The following ACSBG1 variants were observed in gnomAD, a reference collection of about 807,000 sequenced individuals.
ACSBG1 encodes acyl-CoA synthetase bubblegum family member 1, also known as long-chain-fatty-acid--CoA ligase ACSBG1.
ACSBG1 carries 39 observed loss-of-function variants against 80.2 expected under a neutral mutation model. The ratio of observed to expected loss-of-function variants is 0.49; its 90% CI spans 0.38 to 0.64. The LOEUF (loss-of-function observed/expected upper bound fraction) is 0.64. ACSBG1 is among the 30% of genes least tolerant of loss of function. The probability of loss-of-function intolerance (pLI) is 0.00; values close to 1 mark genes in which losing one functional copy is unlikely to be tolerated. For missense variants in ACSBG1, 828 were observed against 966.4 expected, an observed-to-expected ratio of 0.86 and a Z score of 1.90; for synonymous variants, 392 against 379.5, an observed-to-expected ratio of 1.03 and a Z score of -0.38.
At position 78,174,449 on chromosome 15, in the gene ACSBG1, A is replaced by G; in HGVS notation, c.1778T>C (p.Ile593Thr). The G allele has an allele frequency of 6.2e-7, 1 of 1,614,148 alleles. No individual in the cohort carries two copies. The change falls in exon 12 of 14, where the codon ATC (isoleucine) becomes ACC (threonine). Residue 593 changes from isoleucine (I) to threonine (T), a missense_variant. Around this residue, in one of 3 missense-constraint regions of ACSBG1, gnomAD observed 201 missense variants for 227.0 expected, o/e 0.89. Transcript: ENST00000258873. The part of the protein sequence containing the change: ...IEEAVKMELP[I>T]ISNAMLIGDQ... ...CCCAATGAGCATGGCGTTGCTGATG[A>G]TGGGCAGCTCCATCTTCACGGCCTC...
Position 78,168,153 on chromosome 15 carries a change from G to A in ACSBG1, c.*3291C>T, listed in dbSNP as rs1199740657. ...TTAAGAGTTAATGATTTAGGCAGGTGTGGTGGTGCATGCCTGTAGTTGCAG... is the reference window on the plus strand; with the variant it reads ...TTAAGAGTTAATGATTTAGGCAGGTATGGTGGTGCATGCCTGTAGTTGCAG... On this transcript the variant is annotated 3_prime_UTR_variant, in exon 14 of 14. Coordinates refer to ENST00000258873, the MANE Select transcript of ACSBG1 (RefSeq NM_015162.5). 6.6e-6 allele frequency: 1 copy of A among 152,070 alleles called. No homozygotes were observed. Among genetic ancestry groups the A allele is most frequent in the African/African-American group, 2.4e-5 (1 of 41,378 alleles). 9.4% of individuals were successfully genotyped at this position (152,070 alleles called of 1,614,324 possible). A position where few individuals can be genotyped will look rare whatever the true frequency, so the allele number is the denominator to read the frequency against.
intron 2 of ACSBG1, among the ~76,000 whole-genome samples, chr15:78,199,074 T>C (rs2075142312): frequency 6.6e-6 from 1 of 152,106 alleles, no homozygotes; most frequent in African/African-American, 2.4e-5. Context: ...TATAGAGACA[T>C]GGAACAGCGC....
intron 13 of ACSBG1, chr15:78,171,767 G>A: frequency 2.5e-6 from 1 of 404,288 alleles, no homozygotes; most frequent in Non-Finnish European, 4.5e-6. Flanking sequence ...GGGTTGGTAT[G>A]TCACCTCTGA....
At chr15:78,232,906 C>T (rs2075459452) in intron 1 of ACSBG1, among the ~76,000 whole-genome samples, 1 of 152,174 alleles carries the variant, frequency 6.6e-6, no homozygotes, top group Non-Finnish European at 1.5e-5. Flanking sequence ...TCTCAGAACT[C>T]CTGACCTTGG....
chr15:78,171,532 A>G lies in ACSBG1; in HGVS notation c.2090-3T>C. The G allele has an allele frequency of 6.2e-7, 1 of 1,613,382 alleles. No individual in the cohort carries two copies. The highest frequency in any genetic ancestry group is 8.5e-7 in the Non-Finnish European group (1 of 1,179,362). On this transcript the variant is annotated splice_region_variant and splice_polypyrimidine_tract_variant and intron_variant, in intron 13 of 13. Transcript: ENST00000258873. ...CCGTTTCAGTTTCATCGTGGGACCT[A>G]AAAGGGAAATGAGAAGAAATGAGTG...
intron 7 of ACSBG1, 127 bp from the exon 8 acceptor site, chr15:78,182,272 A>G (rs1314529890): frequency 7.4e-7 from 1 of 1,356,298 alleles, no homozygotes; most frequent in Non-Finnish European, 9.9e-7. Context: ...GGCTCTGAAA[A>G]CCCCAGGACA....
At chr15:78,179,145 A>G (rs2074914571) in intron 10 of ACSBG1, among the ~76,000 whole-genome samples, 1 of 152,006 alleles carries the variant, frequency 6.6e-6, no homozygotes, top group African/African-American at 2.4e-5. Context: ...GACCGCCCTC[A>G]CCGTCCATTA....
chr15:78,232,026 G>T (rs1274871876), intron 1 of ACSBG1, among the ~76,000 whole-genome samples: 1 of 152,216 alleles, frequency 6.6e-6, no homozygotes, highest in Non-Finnish European at 1.5e-5. Context: ...CTTGCCAAGG[G>T]TCACAGAATG....
At chr15:78,193,127 C>T (rs1198911037) in intron 5 of ACSBG1, among the ~76,000 whole-genome samples, 1 of 152,124 alleles carries the variant, frequency 6.6e-6, no homozygotes, top group Non-Finnish European at 1.5e-5. Context: ...GACTTGAGTG[C>T]TCAAGATGTC....
chr15:78,171,531 T>C lies in ACSBG1; in HGVS notation c.2090-2A>G. ...GCCGTTTCAGTTTCATCGTGGGACC[T>C]AAAAGGGAAATGAGAAGAAATGAGT... On this transcript the variant is annotated splice_acceptor_variant, in intron 13 of 13. Coordinates refer to ENST00000258873, the MANE Select transcript of ACSBG1 (RefSeq NM_015162.5). LOFTEE classifies it high-confidence loss of function. 6.2e-7 allele frequency: 1 copy of C among 1,613,518 alleles called. No homozygotes were observed. Among genetic ancestry groups the C allele is most frequent in the South Asian group, 1.1e-5 (1 of 91,054 alleles).
intron 11 of ACSBG1, chr15:78,174,774 T>C (rs1215292475): frequency 1.9e-6 from 1 of 523,498 alleles, no homozygotes; most frequent in Non-Finnish European, 3.4e-6. Context: ...CTCAGCCTGC[T>C]CAGACATCTC....
At chr15:78,195,646 T>C (rs2075107274) in intron 2 of ACSBG1, among the ~76,000 whole-genome samples, 1 of 152,186 alleles carries the variant, frequency 6.6e-6, no homozygotes, top group African/African-American at 2.4e-5. Flanking sequence ...CTTTGACCTA[T>C]GGCTGGTGCT....
chr15:78,215,727 A>AAAGAAAGAAAGG (rs1567096217), intron 1 of ACSBG1, among the ~76,000 whole-genome samples: 7 of 53,706 alleles, frequency 1.3e-4, no homozygotes, highest in East Asian at 3.7e-4. Context: ...AAAGAAAGAG[A>AAAGAAAGAAAGG]AAGAAAGAAA....
chr15:78,215,784 A>AAGAAAGAAAGAAAGAG (rs1555434060), intron 1 of ACSBG1, among the ~76,000 whole-genome samples: 1 of 136,288 alleles, frequency 7.3e-6, no homozygotes, highest in Admixed American at 7.4e-5. Context: ...GAAAGAAAGA[A>AAGAAAGAAAGAAAGAG]AGAGAAAGAA....
chr15:78,174,676 G>A, intron 11 of ACSBG1, 152 bp from the exon 12 acceptor site: 2 of 874,030 alleles, frequency 2.3e-6, no homozygotes, highest in Non-Finnish European at 3.4e-6. Context: ...GCCCTCCAAA[G>A]CAACTCACAC....
At chr15:78,184,695 T>G (rs555464542) in intron 5 of ACSBG1, among the ~76,000 whole-genome samples, 1 of 152,192 alleles carries the variant, frequency 6.6e-6, no homozygotes, top group East Asian at 1.9e-4. Context: ...TGCTAAAATA[T>G]ATATTCCTGA....
chr15:78,175,187 C>T (rs2074870757), intron 11 of ACSBG1, among the ~76,000 whole-genome samples: 1 of 152,252 alleles, frequency 6.6e-6, no homozygotes, highest in Non-Finnish European at 1.5e-5. Flanking sequence ...CTGCCAGGCA[C>T]TCAGTGCCCT....
At chr15:78,203,348 C>T (rs2075185329) in intron 2 of ACSBG1, among the ~76,000 whole-genome samples, 1 of 152,248 alleles carries the variant, frequency 6.6e-6, no homozygotes, top group Non-Finnish European at 1.5e-5. Flanking sequence ...GGAGCTGACT[C>T]CAAAAGGCAA....
At chr15:78,191,288 A>C (rs2075054782) in intron 5 of ACSBG1, among the ~76,000 whole-genome samples, 1 of 152,260 alleles carries the variant, frequency 6.6e-6, no homozygotes, top group Non-Finnish European at 1.5e-5. Flanking sequence ...CGGAAGGAAA[A>C]ATAGATGTCT....
Sources: gnomAD v4.1 joint callset for allele counts (sites outside exome capture counted in the v4.1 genomes callset) on GRCh38, gnomAD v4.1.1 for gene constraint, gnomAD v4.1.1 regional missense constraint, MANE v1.5 for transcripts, NCBI Gene and HGNC (gene_info 2026-07-23, HGNC 2026-07-21) for gene names.